Variants in SULF1 observed in about 807,000 individuals in gnomAD.
The protein encoded by SULF1 is sulfatase 1.
SULF1 carries 46 observed loss-of-function variants against 110.5 expected under a neutral mutation model. The ratio of observed to expected loss-of-function variants is 0.42; its 90% CI spans 0.33 to 0.53. SULF1 has a LOEUF of 0.53. Among genes scored for constraint, SULF1 ranks in the 20% least tolerant of loss-of-function variants. The pLI is 0.12. For synonymous variants in SULF1, 371 were observed against 387.1 expected, an observed-to-expected ratio of 0.96 and a Z score of 0.49; for missense variants, 941 against 1,094.2, an observed-to-expected ratio of 0.86 and a Z score of 1.98.
chr8:69,648,681 G>A (rs1812111946), intron 22 of SULF1, among the ~76,000 whole-genome samples: 1 of 152,206 alleles, frequency 6.6e-6, no homozygotes, highest in African/African-American at 2.4e-5. Context: ...GAAGAGAAGA[G>A]GCCACAGAAG....
intron 14 of SULF1, 48 bp downstream of exon 14, chr8:69,621,299 G>A (rs1407817245): frequency 7.0e-7 from 1 of 1,438,652 alleles, no homozygotes; most frequent in South Asian, 1.3e-5. Flanking sequence ...AGGCCTGTGG[G>A]AATAAACAAT....
chr8:69,613,747 C>A (rs1808854704), intron 13 of SULF1, among the ~76,000 whole-genome samples: 1 of 152,140 alleles, frequency 6.6e-6, no homozygotes, highest in African/African-American at 2.4e-5. Flanking sequence ...AAAACATTAG[C>A]TTGCCCAGGA....
chr8:69,617,347 C>T (rs1375126213), intron 13 of SULF1, among the ~76,000 whole-genome samples: 2 of 121,706 alleles, frequency 1.6e-5, no homozygotes, highest in East Asian at 2.7e-4. Flanking sequence ...GATGTATATA[C>T]CACAGGCATG....
chr8:69,636,246 C>A (rs1252194696), intron 19 of SULF1, among the ~76,000 whole-genome samples: 1 of 152,100 alleles, frequency 6.6e-6, no homozygotes, highest in African/African-American at 2.4e-5. Context: ...CATAAAAATT[C>A]ATGTTTCAGA....
chr8:69,608,018 G>A (rs1277052930), intron 13 of SULF1, among the ~76,000 whole-genome samples: 1 of 152,190 alleles, frequency 6.6e-6, no homozygotes, highest in Non-Finnish European at 1.5e-5. Context: ...TAATCCCAGA[G>A]ATAGTGAATG....
At chr8:69,639,761 A>T (rs181694614) in intron 21 of SULF1, among the ~76,000 whole-genome samples, 1 of 152,304 alleles carries the variant, frequency 6.6e-6, no homozygotes, top group African/African-American at 2.4e-5. Flanking sequence ...CAACAGTAAA[A>T]GTGGGCAGCT....
At chr8:69,635,781 G>T (rs1810946837) in intron 19 of SULF1, among the ~76,000 whole-genome samples, 1 of 151,972 alleles carries the variant, frequency 6.6e-6, no homozygotes, top group Admixed American at 6.6e-5. Context: ...GAACTGACAG[G>T]ATCACTTGAG....
At chr8:69,658,298 G>A (rs1279650033) in intron 22 of SULF1, among the ~76,000 whole-genome samples, 6 of 152,112 alleles carry the variant, frequency 3.9e-5, no homozygotes, top group Non-Finnish European at 8.8e-5. Context: ...ATGTTTTCAC[G>A]AATGTGATCT....
chr8:69,651,664 T>C (rs1812355409), intron 22 of SULF1, among the ~76,000 whole-genome samples: 1 of 152,212 alleles, frequency 6.6e-6, no homozygotes, highest in Non-Finnish European at 1.5e-5. Context: ...TTGTGTATTA[T>C]ATTAATAGAT....
chr8:69,529,760 G>T (rs897607028), intron 3 of SULF1, among the ~76,000 whole-genome samples: 5 of 152,204 alleles, frequency 3.3e-5, no homozygotes, highest in Admixed American at 1.3e-4. Flanking sequence ...CCATGGGGCT[G>T]CTTGAGTGTC....
intron 6 of SULF1, among the ~76,000 whole-genome samples, chr8:69,577,488 T>G (rs1276557412): frequency 6.6e-6 from 1 of 152,204 alleles, no homozygotes; most frequent in East Asian, 1.9e-4. Flanking sequence ...AAGTGTTGTG[T>G]GAAATCAGTG....
intron 1 of SULF1, among the ~76,000 whole-genome samples, chr8:69,483,479 A>T (rs1425604467): frequency 6.6e-6 from 1 of 152,178 alleles, no homozygotes; most frequent in Admixed American, 6.5e-5. Flanking sequence ...ATTTAGAAGG[A>T]TGCCAAGAGA....
At chr8:69,519,312 C>T (rs552356780) in intron 3 of SULF1, among the ~76,000 whole-genome samples, 1 of 152,196 alleles carries the variant, frequency 6.6e-6, no homozygotes, top group African/African-American at 2.4e-5. Context: ...ATATATCAGG[C>T]ATAATAAATA....
chr8:69,515,361 G>T (rs570880247), intron 3 of SULF1, among the ~76,000 whole-genome samples: 1 of 152,282 alleles, frequency 6.6e-6, no homozygotes, highest in South Asian at 2.1e-4. Flanking sequence ...CTTTATCTTG[G>T]CCCCTGTTAG....
At chr8:69,626,026 C>G (rs1297525239) in intron 15 of SULF1, 1 of 152,126 alleles carries the variant, frequency 6.6e-6, no homozygotes, top group Admixed American at 6.5e-5. Context: ...TACAGAGTGT[C>G]GATTGGTGCA....
At chr8:69,538,037 T>C (rs1285536484) in intron 3 of SULF1, among the ~76,000 whole-genome samples, 3 of 151,782 alleles carry the variant, frequency 2.0e-5, no homozygotes, top group Admixed American at 1.3e-4. Flanking sequence ...CTCGGCTCAC[T>C]GCAGGCTCCG....
At chr8:69,482,003 T>C (rs1218432442) in intron 1 of SULF1, among the ~76,000 whole-genome samples, 2 of 152,220 alleles carry the variant, frequency 1.3e-5, no homozygotes, top group Non-Finnish European at 2.9e-5. Flanking sequence ...TGATCTTCCA[T>C]TGAGTAGCAA....
chr8:69,598,440 G>A (rs1807520471), intron 8 of SULF1, among the ~76,000 whole-genome samples: 1 of 152,120 alleles, frequency 6.6e-6, no homozygotes, highest in African/African-American at 2.4e-5. Flanking sequence ...TACCCAGGCT[G>A]GAGTGCAGTG....
intron 22 of SULF1, among the ~76,000 whole-genome samples, chr8:69,652,159 A>C (rs1812389190): frequency 1.4e-5 from 2 of 148,008 alleles, no homozygotes; most frequent in East Asian, 2.0e-4. Context: ...CCTTCCTACC[A>C]CCTCCCTTTC....
Sources: gnomAD v4.1 joint callset for allele counts (sites outside exome capture counted in the v4.1 genomes callset) on GRCh38, gnomAD v4.1.1 for gene constraint, MANE v1.5 for transcripts, NCBI Gene and HGNC (gene_info 2026-07-23, HGNC 2026-07-21) for gene names.